Variants in TVP23A observed in about 807,000 individuals in gnomAD.
The protein encoded by TVP23A is Golgi apparatus membrane protein TVP23 homolog A.
Under a neutral mutation model 31.7 loss-of-function variants are expected in TVP23A, and 21 were observed. The ratio of observed to expected loss-of-function variants is 0.66; its 90% CI spans 0.47 to 0.95. TVP23A has a LOEUF of 0.95. TVP23A is among the 40% of genes least tolerant of loss of function. TVP23A has a pLI of 0.00. For missense variants in TVP23A, 279 were observed against 255.6 expected, an observed-to-expected ratio of 1.09 and a Z score of -0.62; for synonymous variants, 104 against 96.0, an observed-to-expected ratio of 1.08 and a Z score of -0.49.
At chr16:10,770,516 T>A (rs894517594) in intron 6 of TVP23A, among the ~76,000 whole-genome samples, 185 bp from the exon 7 acceptor site, 1 of 151,828 alleles carries the variant, frequency 6.6e-6, no homozygotes, top group South Asian at 2.1e-4. Flanking sequence ...ATGAACCTGG[T>A]CAAATTTCAA....
Position 10,785,735 on chromosome 16 carries a change from A to C in TVP23A, c.90-10639T>G, listed in dbSNP as rs117696533. Among the ~76,000 whole-genome samples the C allele has an allele frequency of 2.0e-3, 298 of 152,312 alleles. 6 individuals carry two copies. In the East Asian group the frequency reaches 0.048, roughly 24 times the overall value. On this transcript the variant is annotated intron_variant, in intron 2 of 7. Transcript: ENST00000299866. ...ACATTGGTTGGGTCTGGAAAGGCGG[A>C]ACACCTTTCCAGGCATCTGCTTCTC... is the stretch of plus-strand genomic sequence containing the variant.
intron 5 of TVP23A, 44 bp from the exon 6 acceptor site, chr16:10,771,842 A>G (rs371286920): frequency 3.0e-5 from 47 of 1,545,132 alleles, no homozygotes; most frequent in Non-Finnish European, 4.0e-5. Flanking sequence ...TTTTTGAGAC[A>G]GAGTTTCGCT....
At position 10,768,922 on chromosome 16, in the gene TVP23A, G is replaced by A; in HGVS notation, c.*180C>T. On this transcript the variant is annotated 3_prime_UTR_variant, in exon 8 of 8. Transcript: ENST00000299866. The surrounding 1 kb of genome is among the most constrained non-coding windows in gnomAD (Gnocchi z 4.3). ...AAGACTCAGGGCATCACAGACACAG[G>A]TCTTTTTATGGAACTAGCCAGAGGA... The A allele has an allele frequency of 5.1e-6, 4 of 777,730 alleles. No homozygotes were observed. The highest frequency in any genetic ancestry group is 6.5e-6 in the Non-Finnish European group (3 of 458,026). The allele number at this position is 777,730 out of a possible 1,614,324, so 48.2% of individuals were successfully genotyped here. A position where few individuals can be genotyped will look rare whatever the true frequency, so the allele number is the denominator to read the frequency against.
chr16:10,772,847 G>A (rs2031729438), intron 5 of TVP23A, among the ~76,000 whole-genome samples: 1 of 152,148 alleles, frequency 6.6e-6, no homozygotes, highest in African/African-American at 2.4e-5. Flanking sequence ...GTACAACTCT[G>A]TGACTGCACT....
At chr16:10,771,377 C>T (rs2031607253) in intron 6 of TVP23A, among the ~76,000 whole-genome samples, 1 of 144,344 alleles carries the variant, frequency 6.9e-6, no homozygotes, top group South Asian at 2.2e-4. Flanking sequence ...TTCGTCTCTA[C>T]AAAAAAAAAA....
chr16:10,776,545 A>G (rs2032035284), intron 2 of TVP23A, among the ~76,000 whole-genome samples: 1 of 152,178 alleles, frequency 6.6e-6, no homozygotes, highest in African/African-American at 2.4e-5. Context: ...ACGATACTCA[A>G]CTATGATCAG....
chr16:10,818,603 G>C lies in TVP23A; in HGVS notation c.-110C>G. The C allele has an allele frequency of 7.2e-7, 1 of 1,390,310 alleles. No individual in the cohort carries two copies. The highest frequency in any genetic ancestry group is 9.6e-7 in the Non-Finnish European group (1 of 1,041,336). 86.1% of individuals were successfully genotyped at this position (1,390,310 alleles called of 1,614,324 possible). The stretch of plus-strand genomic sequence containing the variant: ...CGGATGTAGGCAGCAGACGGTGGAC[G>C]CTGAGGGTCGGGGCCTGCGCCCTGT... On this transcript the variant is annotated 5_prime_UTR_variant, in exon 1 of 8. Coordinates refer to ENST00000299866, the MANE Select transcript of TVP23A (RefSeq NM_001079512.4). This position sits in a 1 kb window ranked among gnomAD's most constrained non-coding sequence, Gnocchi z 4.7.
downstream of TVP23A, among the ~76,000 whole-genome samples, chr16:10,763,052 C>T (rs1025870068): frequency 1.3e-5 from 2 of 152,062 alleles, no homozygotes; most frequent in Non-Finnish European, 2.9e-5. Flanking sequence ...GAGAAAGTGA[C>T]GGCATCTGAG....
intron 2 of TVP23A, among the ~76,000 whole-genome samples, chr16:10,783,085 G>A (rs1443387248): frequency 6.6e-6 from 1 of 152,160 alleles, no homozygotes; most frequent in Non-Finnish European, 1.5e-5. Context: ...GGGTGAGGGG[G>A]TAGTGATTGG....
exon 9 of TVP23A, chr16:10,761,427 A>G (rs924559922): frequency 6.2e-7 from 1 of 1,614,156 alleles, no homozygotes. Flanking sequence ...GCTGCCCATC[A>G]TCGGGGTGGT....
Position 10,767,599 on chromosome 16 carries a change from T to C in TVP23A, c.*1503A>G, listed in dbSNP as rs969395097. On this transcript the variant is annotated 3_prime_UTR_variant, in exon 8 of 8. Coordinates refer to ENST00000299866, the MANE Select transcript of TVP23A (RefSeq NM_001079512.4). The surrounding 1 kb of genome is among the most constrained non-coding windows in gnomAD (Gnocchi z 4.6). ...TTATGCCATATCCTTTTGCATTCTG[T>C]ACTTTTTTTAACCATGTGCATTCAT... 6 of 456,018 alleles carry C rather than the reference T, an allele frequency of 1.3e-5. No homozygotes were observed. The highest frequency in any genetic ancestry group is 2.3e-5 in the Non-Finnish European group (6 of 260,030). 28.2% of individuals were successfully genotyped at this position (456,018 alleles called of 1,614,324 possible).
chr16:10,774,190 T>G, intron 3 of TVP23A, 62 bp from the exon 4 acceptor site: 1 of 1,299,896 alleles, frequency 7.7e-7, no homozygotes, highest in Non-Finnish European at 1.1e-6. Context: ...TTCACTGTAT[T>G]GATAAACAAA....
chr16:10,757,882 A>G, downstream of TVP23A: 1 of 1,613,780 alleles, frequency 6.2e-7, no homozygotes, highest in Non-Finnish European at 8.5e-7. This position sits in a 1 kb window ranked among gnomAD's most constrained non-coding sequence, Gnocchi z 4.1. Flanking sequence ...GGCATGATCA[A>G]GCAGTTCCTC....
At chr16:10,793,150 A>G (rs1482326376) in intron 2 of TVP23A, among the ~76,000 whole-genome samples, 1 of 152,114 alleles carries the variant, frequency 6.6e-6, no homozygotes, top group Non-Finnish European at 1.5e-5. Context: ...TTAGCCAGGC[A>G]TCGTGGCACG....
At chr16:10,796,640 G>A (rs536784085) in intron 2 of TVP23A, among the ~76,000 whole-genome samples, 9 of 151,940 alleles carry the variant, frequency 5.9e-5, no homozygotes, top group South Asian at 4.2e-4. Flanking sequence ...GGGTTTCACC[G>A]TGTTGGCCAG....
intron 2 of TVP23A, among the ~76,000 whole-genome samples, chr16:10,810,250 C>T (rs368541174): frequency 4.6e-5 from 7 of 151,820 alleles, no homozygotes; most frequent in East Asian, 1.9e-4. Flanking sequence ...AATTGGTGGA[C>T]GGAGAAAAGA....
rs1363932316 is a variant in TVP23A, at chr16:10,796,549, C to G, written c.90-21453G>C. ...CCGGGTTCACACCATTCTCCTGCCT[C>G]AGCCTCCCAAGTAGCTGGGACTACA... On this transcript the variant is annotated intron_variant, in intron 2 of 7. Transcript: ENST00000299866. 3.3e-5 allele frequency among the ~76,000 whole-genome samples: 5 copies of G among 152,120 alleles called. No homozygotes were observed. In the East Asian group the frequency reaches 9.6e-4, roughly 29 times the overall value.
Position 10,768,589 on chromosome 16 carries a change from A to G in TVP23A, c.*513T>C, listed in dbSNP as rs1051781812. On this transcript the variant is annotated 3_prime_UTR_variant, in exon 8 of 8. Coordinates refer to ENST00000299866, the MANE Select transcript of TVP23A (RefSeq NM_001079512.4). The surrounding 1 kb of genome is among the most constrained non-coding windows in gnomAD (Gnocchi z 4.3). ...GCCACTGCACTCCAGCCTGGGCAAC[A>G]GCGTGAGACCGTGTCTCAAAAAAAT... 6 of 156,842 alleles carry G rather than the reference A, an allele frequency of 3.8e-5. No individual in the cohort carries two copies. Among genetic ancestry groups the G allele is most frequent in the Non-Finnish European group, 7.0e-5 (5 of 71,282 alleles). The allele number at this position is 156,842 out of a possible 1,614,324, so 9.7% of individuals were successfully genotyped here. A position where few individuals can be genotyped will look rare whatever the true frequency, so the allele number is the denominator to read the frequency against.
chr16:10,778,790 A>C (rs1344799272), intron 2 of TVP23A, among the ~76,000 whole-genome samples: 1 of 152,142 alleles, frequency 6.6e-6, no homozygotes, highest in Non-Finnish European at 1.5e-5. Context: ...ACATGGTGAA[A>C]CCCTATCTCT....
Sources: gnomAD v4.1 joint callset for allele counts (sites outside exome capture counted in the v4.1 genomes callset) on GRCh38, gnomAD v4.1.1 for gene constraint, Gnocchi (gnomAD v3.1) non-coding constraint, MANE v1.5 for transcripts, NCBI Gene and HGNC (gene_info 2026-07-23, HGNC 2026-07-21) for gene names.